Variants in PLD5 observed in about 807,000 individuals in gnomAD.
The protein encoded by PLD5 is inactive phospholipase D5.
PLD5 carries 36 observed loss-of-function variants against 61.1 expected under a neutral mutation model. The ratio of observed to expected loss-of-function variants is 0.59; its 90% CI spans 0.45 to 0.78. The LOEUF (loss-of-function observed/expected upper bound fraction) is 0.78, where lower values mean the gene tolerates loss of function less well. PLD5 is among the 30% of genes least tolerant of loss of function. The pLI is 0.00. For synonymous variants in PLD5, 243 were observed against 242.8 expected, an observed-to-expected ratio of 1.00 and a Z score of -0.01; for missense variants, 515 against 644.4, an observed-to-expected ratio of 0.80 and a Z score of 2.17.
At chr1:242,430,950 T>C (rs1665683795) in intron 1 of PLD5, among the ~76,000 whole-genome samples, 1 of 152,208 alleles carries the variant, frequency 6.6e-6, no homozygotes, top group Non-Finnish European at 1.5e-5. Flanking sequence ...TTAGTTTTCA[T>C]CACCTGTCTG....
chr1:242,491,987 ATCTCTTTGGCTAG>A (rs1212681303), intron 1 of PLD5, among the ~76,000 whole-genome samples: 2 of 152,306 alleles, frequency 1.3e-5, no homozygotes, highest in African/African-American at 4.8e-5. Context: ...TTCACAATCC[ATCTCTTTGGCTAG>A]TCACAATCTT....
At chr1:242,254,115 A>G (rs1346648904) in intron 4 of PLD5, among the ~76,000 whole-genome samples, 1 of 152,204 alleles carries the variant, frequency 6.6e-6, no homozygotes, top group Non-Finnish European at 1.5e-5. Context: ...TCATCAGAAA[A>G]TCACAGATCT....
rs538684831 is a variant in PLD5, at chr1:242,124,387, G to T, written c.933+81C>A. 5.7e-6 allele frequency: 8 copies of T among 1,395,886 alleles called. No homozygotes were observed. In the South Asian group the frequency reaches 9.1e-5, roughly 16 times the overall value. The allele number at this position is 1,395,886 out of a possible 1,614,324, so 86.5% of individuals were successfully genotyped here. A position where few individuals can be genotyped will look rare whatever the true frequency, so the allele number is the denominator to read the frequency against. ...TGTAATTCATTTTTGCCCAATACAA[G>T]ATCACACTTAAACATTCCAACTTAA... On this transcript the variant is annotated intron_variant, in intron 6 of 9. Transcript: ENST00000536534.
chr1:242,100,126 A>G (rs962232788), intron 9 of PLD5, among the ~76,000 whole-genome samples: 1 of 152,216 alleles, frequency 6.6e-6, no homozygotes, highest in Non-Finnish European at 1.5e-5. Flanking sequence ...ACTTCACCCA[A>G]TGAAGTAGTT....
At chr1:242,112,851 C>A (rs1448300996) in intron 7 of PLD5, among the ~76,000 whole-genome samples, 1 of 152,198 alleles carries the variant, frequency 6.6e-6, no homozygotes, top group African/African-American at 2.4e-5. Context: ...AGCACCTCTG[C>A]ATTCCCAGCA....
intron 1 of PLD5, among the ~76,000 whole-genome samples, chr1:242,495,607 A>G (rs1428709493): frequency 1.3e-5 from 2 of 152,222 alleles, no homozygotes; most frequent in Non-Finnish European, 2.9e-5. Context: ...TTCAAGGAAA[A>G]TTGGTGAACA....
At chr1:242,525,615 A>C (rs1355287857), upstream of PLD5, among the ~76,000 whole-genome samples, 1 of 152,182 alleles carries the variant, frequency 6.6e-6, no homozygotes, top group African/African-American at 2.4e-5. Flanking sequence ...GCTGGTGTTC[A>C]GGGTGTCTCG....
chr1:242,200,707 C>T (rs1574501882), intron 5 of PLD5, among the ~76,000 whole-genome samples: 1 of 152,012 alleles, frequency 6.6e-6, no homozygotes, highest in East Asian at 1.9e-4. Flanking sequence ...TGGAATAATT[C>T]CAGGACATTC....
chr1:242,108,590 T>C (rs1213777493), intron 7 of PLD5, among the ~76,000 whole-genome samples: 1 of 152,176 alleles, frequency 6.6e-6, no homozygotes, highest in African/African-American at 2.4e-5. Context: ...CAACACACAC[T>C]GTCACTTCCA....
intron 6 of PLD5, among the ~76,000 whole-genome samples, chr1:242,122,823 T>C (rs986830958): frequency 6.6e-6 from 1 of 152,226 alleles, no homozygotes. Context: ...ACTTCTAAAT[T>C]TTCTGCTGGT....
chr1:242,290,019 T>C (rs1387512284), intron 2 of PLD5, among the ~76,000 whole-genome samples: 2 of 150,602 alleles, frequency 1.3e-5, no homozygotes, highest in Non-Finnish European at 3.0e-5. Context: ...AAAATTTATT[T>C]AAAATTTGTT....
chr1:242,308,667 GA>G (rs145310817), intron 2 of PLD5, among the ~76,000 whole-genome samples: 9,086 of 150,726 alleles, frequency 0.06, 325 homozygotes, highest in Middle Eastern at 0.1. Context: ...TACATGAAAT[GA>G]AAAAAAAATT....
chr1:242,155,600 A>G (rs150356857), intron 5 of PLD5, among the ~76,000 whole-genome samples: 2,478 of 152,012 alleles, frequency 0.016, 25 homozygotes, highest in Non-Finnish European at 0.025. Context: ...CCTTCATTTC[A>G]TTATTTACCC....
At chr1:242,493,931 G>T (rs1668261848) in intron 1 of PLD5, among the ~76,000 whole-genome samples, 1 of 152,208 alleles carries the variant, frequency 6.6e-6, no homozygotes, top group Non-Finnish European at 1.5e-5. Flanking sequence ...AAGGAATTAA[G>T]CAATGAGTTC....
intron 6 of PLD5, among the ~76,000 whole-genome samples, chr1:242,115,573 A>T: frequency 6.6e-6 from 1 of 152,184 alleles, no homozygotes; most frequent in East Asian, 1.9e-4. Flanking sequence ...CACACACTGC[A>T]CATAGCAAGC....
chr1:242,453,481 C>T (rs574714187), intron 1 of PLD5, among the ~76,000 whole-genome samples: 5 of 152,082 alleles, frequency 3.3e-5, no homozygotes, highest in African/African-American at 1.2e-4. Flanking sequence ...TTTATTGTAC[C>T]CTTAGAAGAT....
chr1:242,310,776 G>C (rs1177321013), intron 2 of PLD5, among the ~76,000 whole-genome samples: 1 of 152,198 alleles, frequency 6.6e-6, no homozygotes, highest in Non-Finnish European at 1.5e-5. Flanking sequence ...GGCTGGAGGA[G>C]ATTATGAGAT....
At chr1:242,309,971 G>A (rs995519317) in intron 2 of PLD5, among the ~76,000 whole-genome samples, 2 of 150,930 alleles carry the variant, frequency 1.3e-5, no homozygotes, top group Non-Finnish European at 1.5e-5. Context: ...TTTAAATCAG[G>A]ATAACAGCTC....
chr1:242,497,620 A>T (rs957624435), intron 1 of PLD5, among the ~76,000 whole-genome samples: 1 of 152,226 alleles, frequency 6.6e-6, no homozygotes, highest in African/African-American at 2.4e-5. Flanking sequence ...TTTTCTAAGC[A>T]TGAAAAAGAG....
Sources: gnomAD v4.1 joint callset for allele counts (sites outside exome capture counted in the v4.1 genomes callset) on GRCh38, gnomAD v4.1.1 for gene constraint, MANE v1.5 for transcripts, NCBI Gene and HGNC (gene_info 2026-07-23, HGNC 2026-07-21) for gene names.